The following PREX2 variants were observed in gnomAD, a reference collection of about 807,000 sequenced individuals.
PREX2 encodes phosphatidylinositol-3,4,5-trisphosphate dependent Rac exchange factor 2.
A neutral mutation model predicts 203.2 loss-of-function variants in PREX2; 107 were observed. The ratio of observed to expected loss-of-function variants is 0.53; its 90% CI spans 0.45 to 0.62. PREX2 has a LOEUF of 0.62. Ranked by LOEUF, PREX2 falls within the 20% of genes least tolerant of loss-of-function variation. The probability of loss-of-function intolerance (pLI) is 0.00; values close to 1 mark genes in which losing one functional copy is unlikely to be tolerated. For synonymous variants in PREX2, 672 were observed against 663.6 expected, an observed-to-expected ratio of 1.01 and a Z score of -0.19; for missense variants, 1,777 against 1,955.9, an observed-to-expected ratio of 0.91 and a Z score of 1.72.
Position 68,022,110 on chromosome 8 carries a change from C to T in PREX2, c.411C>T (p.Asn137=). 2 of 1,553,514 alleles carry T rather than the reference C, an allele frequency of 1.3e-6. No individual in the cohort carries two copies. Among genetic ancestry groups the T allele is most frequent in the African/African-American group, 1.4e-5 (1 of 73,738 alleles). ...EKAQKLLLEL[N]KIRTIRTFLL... is the part of the protein sequence containing the mutation. ...CACAAAAATTACTTCTTGAACTCAA[C>T]AAAATAAGAACAATCCGGACATTTC... The change falls in exon 4 of 40, where the codon AAC becomes AAT. Residue 137 remains asparagine (N), a synonymous_variant. Coordinates refer to ENST00000288368, the MANE Select transcript of PREX2 (RefSeq NM_024870.4).
chr8:68,067,473 CTAAG>C (rs922572173), intron 11 of PREX2, among the ~76,000 whole-genome samples: 3 of 151,698 alleles, frequency 2.0e-5, no homozygotes, highest in Non-Finnish European at 2.9e-5. Flanking sequence ...TGTGTTATTC[CTAAG>C]TGTTACATCT....
chr8:67,965,004 G>A (rs1805728047), intron 1 of PREX2, among the ~76,000 whole-genome samples: 1 of 152,160 alleles, frequency 6.6e-6, no homozygotes, highest in Admixed American at 6.5e-5. Flanking sequence ...GGAAAACCAA[G>A]GCAGTTGCTG....
chr8:68,188,662 G>T (rs540873288), intron 35 of PREX2, among the ~76,000 whole-genome samples: 10 of 152,318 alleles, frequency 6.6e-5, no homozygotes, highest in Non-Finnish European at 1.0e-4. Context: ...TTACATGGAG[G>T]CAGGCAAGAG....
chr8:68,206,904 A>G (rs1022973576), intron 37 of PREX2, among the ~76,000 whole-genome samples: 2 of 152,168 alleles, frequency 1.3e-5, no homozygotes, highest in African/African-American at 2.4e-5. Context: ...TTTAATAATG[A>G]AAATGAAAAC....
intron 1 of PREX2, among the ~76,000 whole-genome samples, chr8:67,973,155 T>C (rs1396054300): frequency 6.6e-6 from 1 of 152,164 alleles, no homozygotes; most frequent in Non-Finnish European, 1.5e-5. Flanking sequence ...TAGTCTCCTT[T>C]ACTTTAGGGG....
Position 68,146,295 on chromosome 8 carries a change from C to T in PREX2, c.4174C>T (p.Pro1392Ser). 1 of 1,612,850 alleles carries T rather than the reference C, an allele frequency of 6.2e-7. No homozygotes were observed. Among genetic ancestry groups the T allele is most frequent in the South Asian group, 1.1e-5 (1 of 90,994 alleles). The change falls in exon 34 of 40, where the codon CCT becomes TCT. Residue 1392 changes from proline (P) to serine (S), a missense_variant. Transcript: ENST00000288368. ...YIDSYHFEQL[P>S]QRLKNGGGFK... Reference sequence around the variant, plus strand: ...TGATAGTTATCATTTTGAACAACTTCCTCAACGGCTGAAAAATGGAGGAGG... The same window carrying T: ...TGATAGTTATCATTTTGAACAACTTTCTCAACGGCTGAAAAATGGAGGAGG...
intron 31 of PREX2, among the ~76,000 whole-genome samples, chr8:68,133,725 A>C (rs1811053430): frequency 6.6e-6 from 1 of 152,206 alleles, no homozygotes; most frequent in Non-Finnish European, 1.5e-5. Flanking sequence ...AGCAAATGCA[A>C]ATTGTGTCCC....
chr8:68,096,783 T>C (rs900716614), intron 21 of PREX2, among the ~76,000 whole-genome samples: 6 of 152,212 alleles, frequency 3.9e-5, no homozygotes, highest in African/African-American at 1.4e-4. Flanking sequence ...GAAGTAGATA[T>C]GCAAAGATAA....
At chr8:68,004,864 T>A (rs897474431) in intron 1 of PREX2, among the ~76,000 whole-genome samples, 1 of 152,196 alleles carries the variant, frequency 6.6e-6, no homozygotes, top group Non-Finnish European at 1.5e-5. Flanking sequence ...TTGACATTAT[T>A]TCCTGCTAAT....
chr8:67,952,364 G>C lies in PREX2; in HGVS notation c.-31G>C. On this transcript the variant is annotated 5_prime_UTR_variant, in exon 1 of 40. Transcript: ENST00000288368. ...GCGCGGGTCAGCGCTCAGCACGGCG[G>C]GCAGCGCCGCGCTGCGCACCGCCGC... 1.3e-6 allele frequency: 2 copies of C among 1,500,814 alleles called. No individual in the cohort carries two copies. The highest frequency in any genetic ancestry group is 1.3e-5 in the South Asian group (1 of 78,738). 93.0% of individuals were successfully genotyped at this position (1,500,814 alleles called of 1,614,324 possible).
rs530446044 is a variant in PREX2, at chr8:67,952,418, C to A, written c.24C>A (p.Asp8Glu). 7 of 1,569,942 alleles carry A rather than the reference C, an allele frequency of 4.5e-6. No homozygotes were observed. Among genetic ancestry groups the A allele is most frequent in the Non-Finnish European group, 5.2e-6 (6 of 1,158,900 alleles). ...CCATGAGCGAGGACAGCCGCGGAGA[C>A]AGCCGCGCCGAGAGCGCCAAGGACC... MSEDSRG[D>E]SRAESAKDLE... The change falls in exon 1 of 40, where the codon GAC (aspartate) becomes GAA (glutamate). Residue 8 changes from aspartate to glutamate, a missense_variant. By Grantham distance (45) the Asp-to-Glu change is conservative (BLOSUM62 2). Coordinates refer to ENST00000288368, the MANE Select transcript of PREX2 (RefSeq NM_024870.4).
intron 34 of PREX2, among the ~76,000 whole-genome samples, chr8:68,156,261 C>T (rs989478661): frequency 3.3e-5 from 5 of 152,084 alleles, no homozygotes; most frequent in Non-Finnish European, 5.9e-5. Context: ...GACAGGGTCT[C>T]GCTATGTTGC....
chr8:68,088,264 A>G lies in PREX2; in HGVS notation c.2113+455A>G, dbSNP rs187674073. 2.6e-3 allele frequency among the ~76,000 whole-genome samples: 402 copies of G among 152,320 alleles called. 2 individuals carry two copies. Among genetic ancestry groups the G allele is most frequent in the Non-Finnish European group, 4.5e-3 (305 of 68,018 alleles). The stretch of plus-strand genomic sequence containing the variant: ...CATCATAAGATGCATTTTAAATTCA[A>G]TAATTTTAGTGACTAAAAAGTTATG... On this transcript the variant is annotated intron_variant, in intron 19 of 39. Transcript: ENST00000288368.
At chr8:67,965,639 T>C (rs1805749959) in intron 1 of PREX2, among the ~76,000 whole-genome samples, 1 of 152,164 alleles carries the variant, frequency 6.6e-6, no homozygotes, top group South Asian at 2.1e-4. Flanking sequence ...TTTAAACATA[T>C]ATTAAATGAA....
chr8:68,200,545 A>G (rs1035758154), intron 37 of PREX2, among the ~76,000 whole-genome samples: 18 of 152,016 alleles, frequency 1.2e-4, no homozygotes, highest in Non-Finnish European at 2.4e-4. Flanking sequence ...TTTTTCCATT[A>G]TCTGTAATAA....
intron 21 of PREX2, among the ~76,000 whole-genome samples, chr8:68,094,166 C>T (rs1035266038): frequency 7.2e-5 from 11 of 152,180 alleles, no homozygotes; most frequent in Admixed American, 1.3e-4. Flanking sequence ...TCAACATCAC[C>T]TGAGAGCTAG....
chr8:68,114,909 A>G (rs1810611107), intron 25 of PREX2, among the ~76,000 whole-genome samples: 1 of 151,890 alleles, frequency 6.6e-6, no homozygotes, highest in African/African-American at 2.4e-5. Flanking sequence ...AATACTGAAT[A>G]TGAGCCAGTG....
rs1329021000 is a variant in PREX2 at position 67,952,153 on chromosome 8, C to T, written c.-242C>T. On this transcript the variant is annotated 5_prime_UTR_variant, in exon 1 of 40. Coordinates refer to ENST00000288368, the MANE Select transcript of PREX2 (RefSeq NM_024870.4). Reference sequence around the variant, plus strand: ...CGGGGCCGGGCGCGCAGGGCCTGGCCGGAGCCCCCACTCCCAGGAGTTTCC... The same window carrying T: ...CGGGGCCGGGCGCGCAGGGCCTGGCTGGAGCCCCCACTCCCAGGAGTTTCC... 15 of 347,308 alleles carry T rather than the reference C, an allele frequency of 4.3e-5. No individual in the cohort carries two copies. The highest frequency in any genetic ancestry group is 6.6e-5 in the Non-Finnish European group (13 of 197,036). The allele number at this position is 347,308 out of a possible 1,614,324, so 21.5% of individuals were successfully genotyped here.
intron 4 of PREX2, among the ~76,000 whole-genome samples, chr8:68,022,621 T>C (rs1373283531): frequency 6.6e-6 from 1 of 152,190 alleles, no homozygotes; most frequent in Non-Finnish European, 1.5e-5. Flanking sequence ...CAGAAACAAA[T>C]GCATATTTTG....
Sources: gnomAD v4.1 joint callset for allele counts (sites outside exome capture counted in the v4.1 genomes callset) on GRCh38, gnomAD v4.1.1 for gene constraint, MANE v1.5 for transcripts, NCBI Gene and HGNC (gene_info 2026-07-23, HGNC 2026-07-21) for gene names.